NEBL: variants seen among roughly 807,000 people sequenced by gnomAD.
The protein encoded by NEBL is nebulette.
In NEBL, 122 loss-of-function variants were observed where a neutral mutation model predicts 140.2. The observed-to-expected ratio is 0.87, with a 90% CI of 0.75 to 1.01. The LOEUF (loss-of-function observed/expected upper bound fraction) is 1.01. NEBL is among the 50% of genes least tolerant of loss of function. The pLI, the probability that NEBL is intolerant of heterozygous loss-of-function variation, is 0.00. For missense variants in NEBL, 1,365 were observed against 1,231.3 expected (o/e 1.11, Z -1.62); for synonymous variants, 436 against 398.9 (o/e 1.09, Z -1.11).
chr10:21,198,964 AT>A (rs1457052632), intron 3 of NEBL, among the ~76,000 whole-genome samples: 3 of 151,762 alleles, frequency 2.0e-5, no homozygotes, highest in African/African-American at 7.3e-5. Context: ...TTAATTTTTG[AT>A]TTTTTATTCT....
intron 3 of NEBL, among the ~76,000 whole-genome samples, chr10:20,999,241 T>C (rs563944707): frequency 5.7e-4 from 86 of 151,772 alleles, no homozygotes; most frequent in Non-Finnish European, 1.0e-3. Context: ...CAATCATTTA[T>C]TGATTGCCCA....
intron 4 of NEBL, among the ~76,000 whole-genome samples, chr10:20,912,664 A>G (rs57560890): frequency 0.012 from 1,883 of 152,040 alleles, 33 homozygotes; most frequent in African/African-American, 0.042. Flanking sequence ...AGCATTTCCT[A>G]CTTACGTTGC....
At chr10:20,876,910 C>A (rs980121112) in intron 5 of NEBL, among the ~76,000 whole-genome samples, 7 of 152,110 alleles carry the variant, frequency 4.6e-5, no homozygotes, top group African/African-American at 1.7e-4. Context: ...AGGGGTATGT[C>A]CCTTAAGGTA....
At chr10:21,157,466 G>A (rs1840380419) in intron 2 of NEBL, among the ~76,000 whole-genome samples, 1 of 152,156 alleles carries the variant, frequency 6.6e-6, no homozygotes, top group Non-Finnish European at 1.5e-5. Flanking sequence ...AGCTACTCAG[G>A]AGGCTGAGGT....
chr10:21,233,440 T>G (rs1391186286), intron 3 of NEBL, among the ~76,000 whole-genome samples: 1 of 151,996 alleles, frequency 6.6e-6, no homozygotes, highest in Non-Finnish European at 1.5e-5. Flanking sequence ...ACTTATAATT[T>G]GGGAAGGACT....
intron 7 of NEBL, among the ~76,000 whole-genome samples, chr10:20,861,823 T>G (rs1564395645): frequency 6.6e-6 from 1 of 152,182 alleles, no homozygotes; most frequent in Non-Finnish European, 1.5e-5. Context: ...AAGTAAATGT[T>G]ACAGACACCC....
chr10:20,830,592 T>C (rs1354438384), intron 16 of NEBL, among the ~76,000 whole-genome samples: 2 of 152,154 alleles, frequency 1.3e-5, no homozygotes, highest in African/African-American at 2.4e-5. Flanking sequence ...CTTTATACCT[T>C]GTGCAGCTTT....
chr10:21,048,499 T>C (rs1834622965), intron 2 of NEBL, among the ~76,000 whole-genome samples: 1 of 150,206 alleles, frequency 6.7e-6, no homozygotes, highest in Non-Finnish European at 1.5e-5. Flanking sequence ...ACAATAGATT[T>C]AGCACCACAT....
chr10:20,908,757 T>C (rs1340651395), intron 4 of NEBL, among the ~76,000 whole-genome samples: 3 of 152,160 alleles, frequency 2.0e-5, no homozygotes, highest in Non-Finnish European at 2.9e-5. Context: ...GCACTGTGAG[T>C]AACAACAAAA....
chr10:21,112,426 C>A (rs981197632), intron 2 of NEBL, among the ~76,000 whole-genome samples: 13 of 152,170 alleles, frequency 8.5e-5, no homozygotes, highest in African/African-American at 2.9e-4. Flanking sequence ...AAGTTGAGTT[C>A]ATGTCCTTTG....
At chr10:20,890,923 G>A (rs191850358) in intron 2 of NEBL, among the ~76,000 whole-genome samples, 132 of 152,312 alleles carry the variant, frequency 8.7e-4, no homozygotes, top group Non-Finnish European at 1.6e-3. Flanking sequence ...TAATATGCTC[G>A]TGTTTATCCT....
chr10:21,040,537 C>T (rs532932025), intron 2 of NEBL, among the ~76,000 whole-genome samples: 1 of 152,226 alleles, frequency 6.6e-6, no homozygotes, highest in African/African-American at 2.4e-5. Flanking sequence ...TTTAAACAGC[C>T]AGCTCTCATG....
intron 3 of NEBL, among the ~76,000 whole-genome samples, chr10:20,970,360 T>C (rs2131636198): frequency 6.6e-6 from 1 of 152,192 alleles, no homozygotes; most frequent in Admixed American, 6.5e-5. Flanking sequence ...ACAAATAGGC[T>C]GGGCACAGTG....
intron 4 of NEBL, among the ~76,000 whole-genome samples, chr10:20,906,471 A>AT (rs532334070): frequency 8.5e-4 from 130 of 152,278 alleles, no homozygotes; most frequent in African/African-American, 3.1e-3. Context: ...TTAAACTATA[A>AT]GATAATATCA....
intron 2 of NEBL, among the ~76,000 whole-genome samples, chr10:21,040,399 A>C (rs187777806): frequency 5.0e-4 from 76 of 152,318 alleles, no homozygotes; most frequent in African/African-American, 1.8e-3. Flanking sequence ...CACAGGGTGC[A>C]TGGCACCAGC....
intron 18 of NEBL, among the ~76,000 whole-genome samples, chr10:20,824,778 C>T (rs1415070322): frequency 2.6e-5 from 4 of 152,118 alleles, no homozygotes; most frequent in Admixed American, 1.3e-4. Flanking sequence ...AAGATGAACA[C>T]TTTTGTTTTT....
At chr10:20,821,699 C>A (rs1839333317) in intron 19 of NEBL, among the ~76,000 whole-genome samples, 1 of 152,170 alleles carries the variant, frequency 6.6e-6, no homozygotes. Context: ...CAGTAAGCCA[C>A]ATAATATCTA....
intron 5 of NEBL, among the ~76,000 whole-genome samples, chr10:20,879,204 G>C (rs1845788634): frequency 6.6e-6 from 1 of 152,204 alleles, no homozygotes; most frequent in South Asian, 2.1e-4. Flanking sequence ...AAGTGGAACA[G>C]AAAGAGCAGA....
intron 3 of NEBL, among the ~76,000 whole-genome samples, chr10:20,982,154 C>T (rs758952415): frequency 6.6e-6 from 1 of 152,154 alleles, no homozygotes; most frequent in East Asian, 1.9e-4. Flanking sequence ...AAATCCTAAA[C>T]AGCGGGTACT....
Sources: allele counts gnomAD v4.1 joint callset (sites outside exome capture counted in the v4.1 genomes callset), GRCh38; gene constraint gnomAD v4.1.1; transcripts MANE v1.5; gene names NCBI Gene and HGNC (gene_info 2026-07-23, HGNC 2026-07-21).